Variants in PCDHA9 observed in about 807,000 individuals in gnomAD.
PCDHA9 encodes the protein protocadherin alpha 9.
A neutral mutation model predicts 62.0 loss-of-function variants in PCDHA9; 62 were observed. The observed-to-expected ratio is 1.00, with a 90% CI of 0.81 to 1.23. PCDHA9 has a LOEUF of 1.23. Ranked by LOEUF, PCDHA9 falls within the 50% of genes most tolerant of loss-of-function variation. The pLI, the probability that PCDHA9 is intolerant of heterozygous loss-of-function variation, is 0.00. For missense variants in PCDHA9, 1,205 were observed against 1,249.8 expected (o/e 0.96, Z 0.54); for synonymous variants, 557 against 567.6 (o/e 0.98, Z 0.27).
chr5:140,882,449 C>T (rs782741434), intron 1 of PCDHA9: 1 of 1,614,022 alleles, frequency 6.2e-7, no homozygotes, highest in Admixed American at 1.7e-5. Context: ...GGAGCTGGTG[C>T]CGCGCCTGTT....
chr5:141,000,499 C>T (rs2097942558), intron 3 of PCDHA9, among the ~76,000 whole-genome samples: 1 of 138,650 alleles, frequency 7.2e-6, no homozygotes, highest in African/African-American at 2.7e-5. Context: ...AAGATCTCGG[C>T]TCACTGCAAC....
intron 1 of PCDHA9, among the ~76,000 whole-genome samples, chr5:140,898,545 C>CCG (rs2153461002): frequency 1.3e-5 from 2 of 152,322 alleles, no homozygotes; most frequent in East Asian, 3.9e-4. Context: ...TTCCATTTAT[C>CCG]TATGTCTCTG....
intron 1 of PCDHA9, chr5:140,856,255 A>G: frequency 2.5e-6 from 4 of 1,597,974 alleles, no homozygotes; most frequent in Non-Finnish European, 3.4e-6. Flanking sequence ...CGTCCAAAAG[A>G]CACGGGGACC....
rs1158226302 is a variant in PCDHA9, at chr5:140,856,812, T to C, written c.2394+5923T>C. 1.9e-6 allele frequency: 3 copies of C among 1,594,276 alleles called. 1 individual carries two copies. Among genetic ancestry groups the C allele is most frequent in the Non-Finnish European group, 2.6e-6 (3 of 1,164,510 alleles). ...GAAGTTAAGATGTATGAAAATCAAG[T>C]GAACCAAACATTAGTAATACGGCTC... On this transcript the variant is annotated intron_variant, in intron 1 of 3. Coordinates refer to ENST00000532602, the MANE Select transcript of PCDHA9 (RefSeq NM_031857.2).
intron 1 of PCDHA9, among the ~76,000 whole-genome samples, chr5:140,972,015 G>A (rs782728118): frequency 2.6e-5 from 4 of 152,004 alleles, no homozygotes; most frequent in Admixed American, 6.5e-5. Context: ...CCTTTTATAT[G>A]GGATATTCAG....
At chr5:141,005,440 A>C (rs1174431656) in intron 3 of PCDHA9, among the ~76,000 whole-genome samples, 3 of 152,112 alleles carry the variant, frequency 2.0e-5, no homozygotes, top group African/African-American at 7.2e-5. Flanking sequence ...TGAGAGGCTC[A>C]CGCCTGTAAT....
intron 1 of PCDHA9, among the ~76,000 whole-genome samples, chr5:140,905,708 C>T (rs1372981287): frequency 1.1e-4 from 16 of 152,092 alleles, no homozygotes; most frequent in Non-Finnish European, 1.6e-4. Context: ...TTATGATTTC[C>T]TTCAGCAGTG....
At chr5:140,947,956 A>G (rs1460892977) in intron 1 of PCDHA9, among the ~76,000 whole-genome samples, 2 of 151,570 alleles carry the variant, frequency 1.3e-5, no homozygotes, top group Non-Finnish European at 3.0e-5. Context: ...CATATTTTAC[A>G]ATTAAGTATG....
Position 140,854,236 on chromosome 5 carries a change from A to C in PCDHA9, c.2394+3347A>C, listed in dbSNP as rs2043047042. 3.1e-6 allele frequency: 2 copies of C among 638,488 alleles called. 1 individual carries two copies. The highest frequency in any genetic ancestry group is 4.0e-5 in the African/African-American group (2 of 50,146). The allele number at this position is 638,488 out of a possible 1,614,324, so 39.6% of individuals were successfully genotyped here. On this transcript the variant is annotated intron_variant, in intron 1 of 3. Transcript: ENST00000532602. ...ATTGGACATCTACATTGGGATATTT[A>C]TGTTATCACTTGGTATAAAATGTAC... is the stretch of plus-strand genomic sequence containing the variant.
At chr5:141,004,679 TG>T in intron 3 of PCDHA9, among the ~76,000 whole-genome samples, 1 of 152,160 alleles carries the variant, frequency 6.6e-6, no homozygotes, top group South Asian at 2.1e-4. Context: ...GACTGTGGAG[TG>T]GTGCTGAAAC....
chr5:140,953,602 CCA>C (rs1246265860), intron 1 of PCDHA9, among the ~76,000 whole-genome samples: 3 of 152,040 alleles, frequency 2.0e-5, no homozygotes, highest in Admixed American at 6.6e-5. Context: ...TGTTTATTCC[CCA>C]GAGTCCTTAG....
At chr5:140,877,653 C>A in intron 1 of PCDHA9, 1 of 1,613,522 alleles carries the variant, frequency 6.2e-7, no homozygotes, top group Non-Finnish European at 8.5e-7. Flanking sequence ...CAGCGCCGCC[C>A]ACCGTGAGCC....
intron 1 of PCDHA9, among the ~76,000 whole-genome samples, chr5:140,955,262 C>T (rs1473601347): frequency 1.3e-5 from 2 of 152,044 alleles, no homozygotes; most frequent in African/African-American, 4.8e-5. Flanking sequence ...TATAAAGGCT[C>T]TTTTTTGGTT....
At chr5:140,863,761 A>C (rs1000713461) in intron 1 of PCDHA9, 5 of 242,322 alleles carry the variant, frequency 2.1e-5, no homozygotes, top group Non-Finnish European at 3.3e-5. Flanking sequence ...CACTTTGGGA[A>C]GCCGAGGCGG....
In PCDHA9 at chr5:140,882,697, A is replaced by G. The variant is rs145968658; in HGVS notation, c.2394+31808A>G. 60 of 1,614,238 alleles carry G rather than the reference A, an allele frequency of 3.7e-5. No homozygotes were observed. The African/African-American group carries it at 6.5e-4, about 18-fold the overall frequency. On this transcript the variant is annotated intron_variant, in intron 1 of 3. Transcript: ENST00000532602. ...AAAGCAAGAAACGAATAATCATTGC[A>G]GAATCTAGACCTCCGGAAACTCGAT...
chr5:140,902,637 C>T (rs1554190530), intron 1 of PCDHA9, among the ~76,000 whole-genome samples: 1 of 151,910 alleles, frequency 6.6e-6, no homozygotes, highest in Non-Finnish European at 1.5e-5. Context: ...GTGGTGATTT[C>T]TGAGATTTTG....
chr5:140,977,541 G>A (rs1164108305), intron 1 of PCDHA9, among the ~76,000 whole-genome samples: 2 of 152,188 alleles, frequency 1.3e-5, no homozygotes, highest in Non-Finnish European at 2.9e-5. Context: ...GAAGCAGCTT[G>A]CATATGCATA....
intron 1 of PCDHA9, chr5:140,929,822 A>G (rs1554207413): frequency 1.9e-5 from 3 of 157,286 alleles, no homozygotes; most frequent in African/African-American, 2.4e-5. Flanking sequence ...GAAAGGGAAC[A>G]TAAGAGAACA....
chr5:140,894,478 A>C (rs2064495460), intron 1 of PCDHA9, among the ~76,000 whole-genome samples: 2 of 151,508 alleles, frequency 1.3e-5, no homozygotes, highest in South Asian at 4.2e-4. Context: ...TCTTGTTTTC[A>C]TCTTATAGTT....
Sources: gnomAD v4.1 joint callset for allele counts (sites outside exome capture counted in the v4.1 genomes callset) on GRCh38, gnomAD v4.1.1 for gene constraint, MANE v1.5 for transcripts, NCBI Gene and HGNC (gene_info 2026-07-23, HGNC 2026-07-21) for gene names.